The following CCNY variants were observed in gnomAD, a reference collection of about 807,000 sequenced individuals.
The protein encoded by CCNY is cyclin Y.
In CCNY, 19 loss-of-function variants were observed where a neutral mutation model predicts 42.8. The observed-to-expected ratio is 0.44, with a 90% CI of 0.31 to 0.65. CCNY has a LOEUF of 0.65. Among genes scored for constraint, CCNY ranks in the 30% least tolerant of loss-of-function variants. CCNY has a pLI of 0.07. For missense variants in CCNY, 370 were observed against 437.3 expected (o/e 0.85, Z 1.37); for synonymous variants, 165 against 162.7 (o/e 1.01, Z -0.11).
rs1564463434 is a variant in CCNY at position 35,571,053 on chromosome 10, A to C, written c.*1883A>C. ...TTTGAATACAGGTCAAAAAATGTAG[A>C]AAATATCATTTTATATTCCCTAATC... On this transcript the variant is annotated 3_prime_UTR_variant, in exon 10 of 10. Transcript: ENST00000374704. 2 of 152,232 alleles carry C rather than the reference A, an allele frequency of 1.3e-5. No homozygotes were observed. Among genetic ancestry groups the C allele is most frequent in the African/African-American group, 2.4e-5 (1 of 41,458 alleles). The allele number at this position is 152,232 out of a possible 1,614,324, so 9.4% of individuals were successfully genotyped here.
At chr10:35,313,429 T>C (rs1319752362) in intron 3 of CCNY, among the ~76,000 whole-genome samples, 1 of 152,046 alleles carries the variant, frequency 6.6e-6, no homozygotes, top group Non-Finnish European at 1.5e-5. Context: ...TCAGGTCTCT[T>C]TGCGCATGTA....
At chr10:35,368,570 G>A (rs939008194) in intron 1 of CCNY, among the ~76,000 whole-genome samples, 1 of 152,188 alleles carries the variant, frequency 6.6e-6, no homozygotes, top group Non-Finnish European at 1.5e-5. Flanking sequence ...TCCCAGGTTG[G>A]ACTGTTCGCA....
intron 3 of CCNY, among the ~76,000 whole-genome samples, chr10:35,294,662 T>C (rs1265533963): frequency 2.0e-5 from 3 of 152,248 alleles, no homozygotes; most frequent in Non-Finnish European, 2.9e-5. Context: ...TTCACTTTTC[T>C]AGTATTTTGT....
At chr10:35,502,098 C>T (rs1840122184) in intron 3 of CCNY, among the ~76,000 whole-genome samples, 1 of 152,178 alleles carries the variant, frequency 6.6e-6, no homozygotes, top group South Asian at 2.1e-4. Flanking sequence ...TGTCTCCCTC[C>T]CCTGGTGGCC....
chr10:35,392,350 T>C (rs117031377), intron 1 of CCNY, among the ~76,000 whole-genome samples: 1,851 of 152,316 alleles, frequency 0.012, 13 homozygotes, highest in Non-Finnish European at 0.018. Context: ...CTGGGTGTTG[T>C]GAAGGATGTA....
chr10:35,501,432 T>A (rs1371375894), intron 2 of CCNY, 69 bp from the exon 3 acceptor site: 3 of 1,348,042 alleles, frequency 2.2e-6, no homozygotes, highest in African/African-American at 1.4e-5. Context: ...AGAGGCCCAG[T>A]CCTCATCCAC....
At position 35,449,874 on chromosome 10, in the gene CCNY, G is replaced by T. The variant is rs560160708; in HGVS notation, c.155-33530G>T. ...GAGAGACAAAAAGGGCCTTTCCAATGATGCTATCTCGCACCACTCAGGGCC... is the reference window on the plus strand; with the variant it reads ...GAGAGACAAAAAGGGCCTTTCCAATTATGCTATCTCGCACCACTCAGGGCC... On this transcript the variant is annotated intron_variant, in intron 1 of 9. Coordinates refer to ENST00000374704, the MANE Select transcript of CCNY (RefSeq NM_145012.6). 3.2e-5 allele frequency: 28 copies of T among 870,254 alleles called. No individual in the cohort carries two copies. The African/African-American group carries it at 5.1e-4, about 16-fold the overall frequency. 53.9% of individuals were successfully genotyped at this position (870,254 alleles called of 1,614,324 possible). A position where few individuals can be genotyped will look rare whatever the true frequency, so the allele number is the denominator to read the frequency against.
At chr10:35,538,831 T>C (rs1471767036) in intron 7 of CCNY, among the ~76,000 whole-genome samples, 1 of 152,236 alleles carries the variant, frequency 6.6e-6, no homozygotes, top group Non-Finnish European at 1.5e-5. Flanking sequence ...CTTTTGTCAC[T>C]TGTGCTTATC....
At chr10:35,434,345 A>G (rs1471526735) in intron 1 of CCNY, 1 of 152,200 alleles carries the variant, frequency 6.6e-6, no homozygotes, top group East Asian at 1.9e-4. Flanking sequence ...CCACTCACAA[A>G]TGCGTTATGA....
At chr10:35,303,777 C>CAAAA (rs755443366) in intron 3 of CCNY, among the ~76,000 whole-genome samples, 9 of 48,456 alleles carry the variant, frequency 1.9e-4, no homozygotes, top group African/African-American at 2.6e-4. Context: ...AACTCCGTCT[C>CAAAA]AAAAAAAAAA....
At chr10:35,281,139 T>A (rs1835295153) in intron 3 of CCNY, among the ~76,000 whole-genome samples, 1 of 152,066 alleles carries the variant, frequency 6.6e-6, no homozygotes, top group African/African-American at 2.4e-5. Flanking sequence ...CATACACTGG[T>A]GGGAATGGAA....
chr10:35,350,197 C>T (rs1355016032), intron 1 of CCNY, among the ~76,000 whole-genome samples: 1 of 152,184 alleles, frequency 6.6e-6, no homozygotes, highest in Admixed American at 6.5e-5. Context: ...TCTGTGTGCA[C>T]TTGGAAGTTG....
chr10:35,267,928 T>C (rs1403069815), intron 3 of CCNY, among the ~76,000 whole-genome samples: 13 of 152,134 alleles, frequency 8.5e-5, no homozygotes, highest in Non-Finnish European at 1.5e-5. Context: ...TCTTATCTTC[T>C]TTTTTCCTTT....
chr10:35,396,528 C>A (rs1837531217), intron 1 of CCNY, among the ~76,000 whole-genome samples: 1 of 152,230 alleles, frequency 6.6e-6, no homozygotes, highest in Non-Finnish European at 1.5e-5. Context: ...GCCAGGGTGC[C>A]CCGATGTTCT....
At chr10:35,398,326 G>A (rs774956538) in intron 1 of CCNY, among the ~76,000 whole-genome samples, 2 of 152,208 alleles carry the variant, frequency 1.3e-5, no homozygotes, top group Admixed American at 6.5e-5. Flanking sequence ...AGCCAGCAAG[G>A]TCCTTGGTGG....
intron 7 of CCNY, among the ~76,000 whole-genome samples, chr10:35,532,826 A>G (rs576008780): frequency 2.6e-5 from 4 of 152,316 alleles, no homozygotes; most frequent in African/African-American, 7.2e-5. Flanking sequence ...CTTTAGTCCT[A>G]TGCGGTACTT....
Sources: gnomAD v4.1 joint callset for allele counts (sites outside exome capture counted in the v4.1 genomes callset) on GRCh38, gnomAD v4.1.1 for gene constraint, MANE v1.5 for transcripts, NCBI Gene and HGNC (gene_info 2026-07-23, HGNC 2026-07-21) for gene names.